RAPGEF2: variants seen among roughly 807,000 people sequenced by gnomAD.
The protein encoded by RAPGEF2 is PDZ domain containing guanine nucleotide exchange factor (GEF) 1.
RAPGEF2 carries 54 observed loss-of-function variants against 186.7 expected under a neutral mutation model. That is an observed-to-expected ratio of 0.29 (90% CI 0.23 to 0.36). The LOEUF (loss-of-function observed/expected upper bound fraction) is 0.36. RAPGEF2 is among the 10% of genes least tolerant of loss of function. RAPGEF2 has a pLI of 1.00. For synonymous variants in RAPGEF2, 712 were observed against 705.9 expected (o/e 1.01, Z -0.14); for missense variants, 1,532 against 2,045.0 (o/e 0.75, Z 4.84).
chr4:159,119,006 T>A (rs538619674), intron 1 of RAPGEF2, among the ~76,000 whole-genome samples: 151 of 152,350 alleles, frequency 9.9e-4, no homozygotes, highest in Non-Finnish European at 1.8e-3. Flanking sequence ...GATTAACTTT[T>A]CATCGTTGGT....
Position 159,193,268 on chromosome 4 carries a change from C to CT in RAPGEF2, c.197+17dup. The stretch of plus-strand genomic sequence containing the variant: ...GAAGTTTTATACTAGTAGGTGTTTC[C>CT]TTTTTGTTTGTACAATGTATCTAAT... On this transcript the variant is annotated intron_variant, in intron 3 of 29. Transcript: ENST00000691494. 1 of 1,464,710 alleles carries CT rather than the reference C, an allele frequency of 6.8e-7. No homozygotes were observed. The highest frequency in any genetic ancestry group is 1.4e-5 in the African/African-American group (1 of 70,470). The allele number at this position is 1,464,710 out of a possible 1,614,324, so 90.7% of individuals were successfully genotyped here. A position where few individuals can be genotyped will look rare whatever the true frequency, so the allele number is the denominator to read the frequency against.
chr4:159,351,051 G>C, intron 26 of RAPGEF2: 1 of 1,529,720 alleles, frequency 6.5e-7, no homozygotes, highest in Non-Finnish European at 8.8e-7. Context: ...TTCTCATCCT[G>C]TTGTTAGGTG....
Position 159,267,132 on chromosome 4 carries a change from T to C in RAPGEF2, c.543+23341T>C, listed in dbSNP as rs534948410. The stretch of plus-strand genomic sequence containing the variant: ...ATCCACTTACATCACTAGAACTGCA[T>C]TGAGTGTGAGCCTTGCAGGTTAAGA... On this transcript the variant is annotated intron_variant, in intron 7 of 29. Coordinates refer to ENST00000691494, the MANE Select transcript of RAPGEF2 (RefSeq NM_001394067.2). The C allele has an allele frequency of 1.7e-5, 21 of 1,258,362 alleles. No individual in the cohort carries two copies. The South Asian group carries it at 2.7e-4, about 16-fold the overall frequency. The allele number at this position is 1,258,362 out of a possible 1,614,324, so 77.9% of individuals were successfully genotyped here.
intron 5 of RAPGEF2, among the ~76,000 whole-genome samples, chr4:159,239,968 T>C (rs961101114): frequency 6.6e-6 from 1 of 152,224 alleles, no homozygotes; most frequent in Non-Finnish European, 1.5e-5. Flanking sequence ...TAGCGAACTT[T>C]TTGTAAAATT....
At chr4:159,198,391 C>CCTTCCTCTCTCTTCCTCT (rs1749037218) in intron 3 of RAPGEF2, among the ~76,000 whole-genome samples, 2 of 136,522 alleles carry the variant, frequency 1.5e-5, no homozygotes, top group African/African-American at 3.0e-5. Flanking sequence ...TTCCTTCCTT[C>CCTTCCTCTCTCTTCCTCT]CTTCCTCTCT....
chr4:159,355,683 A>G (rs1003062033), intron 28 of RAPGEF2, among the ~76,000 whole-genome samples, 170 bp from the exon 29 acceptor site: 8 of 152,222 alleles, frequency 5.3e-5, no homozygotes, highest in African/African-American at 1.9e-4. Flanking sequence ...AATTTGGTTT[A>G]GTTAACATGC....
intron 1 of RAPGEF2, among the ~76,000 whole-genome samples, chr4:159,139,967 G>T (rs1457007806): frequency 6.6e-6 from 1 of 152,186 alleles, no homozygotes; most frequent in Non-Finnish European, 1.5e-5. Context: ...GGAGGCTCAT[G>T]CTTAGAATTT....
At chr4:159,184,431 A>C (rs990355703) in intron 1 of RAPGEF2, among the ~76,000 whole-genome samples, 4 of 152,118 alleles carry the variant, frequency 2.6e-5, no homozygotes, top group Non-Finnish European at 5.9e-5. Flanking sequence ...AATGATCACC[A>C]TTCTAACTGG....
chr4:159,333,565 T>G (rs989717768), intron 17 of RAPGEF2, among the ~76,000 whole-genome samples: 1 of 152,178 alleles, frequency 6.6e-6, no homozygotes. Flanking sequence ...GAATGTCAGG[T>G]GTATTCTTGA....
Position 159,339,119 on chromosome 4 carries a change from C to G in RAPGEF2, c.2299C>G (p.Pro767Ala). The G allele has an allele frequency of 6.2e-7, 1 of 1,612,632 alleles. No individual in the cohort carries two copies. The highest frequency in any genetic ancestry group is 2.2e-5 in the East Asian group (1 of 44,856). Reference sequence around the variant, plus strand: ...GTGATTTTTCTTTCCCCCAGACTTGCCAGATCAAGTGCTAAGGGTTTTTAA... The same window carrying G: ...GTGATTTTTCTTTCCCCCAGACTTGGCAGATCAAGTGCTAAGGGTTTTTAA... Reference protein sequence around the residue: ...ILDFSATPDLPDQVLRVFKAD... With the variant: ...ILDFSATPDLADQVLRVFKAD... Residue 767 changes from proline to alanine, a missense_variant, in exon 19 of 30, where the codon CCA becomes GCA. Pro to Ala is a conservative substitution (Grantham distance 27). Transcript: ENST00000691494.
chr4:159,227,692 T>G (rs1752188198), intron 4 of RAPGEF2, among the ~76,000 whole-genome samples: 1 of 152,210 alleles, frequency 6.6e-6, no homozygotes, highest in Non-Finnish European at 1.5e-5. Flanking sequence ...TTTGCTGGTT[T>G]AGATTGTGGC....
At chr4:159,342,616 A>ATTTTATTTTATT (rs1554041277) in intron 20 of RAPGEF2, among the ~76,000 whole-genome samples, 8 of 118,334 alleles carry the variant, frequency 6.8e-5, no homozygotes, top group East Asian at 2.4e-4. Context: ...ATTTTATTTT[A>ATTTTATTTTATT]TTACTAGAGG....
At chr4:159,218,112 A>G (rs1751153616) in intron 4 of RAPGEF2, among the ~76,000 whole-genome samples, 1 of 152,250 alleles carries the variant, frequency 6.6e-6, no homozygotes. Flanking sequence ...GAATTCTGTT[A>G]CAGAAGGGTA....
At chr4:159,163,852 G>A (rs985723483) in intron 1 of RAPGEF2, among the ~76,000 whole-genome samples, 1 of 152,150 alleles carries the variant, frequency 6.6e-6, no homozygotes, top group African/African-American at 2.4e-5. Flanking sequence ...CACATCAGGG[G>A]TCTGTCTAGA....
intron 11 of RAPGEF2, among the ~76,000 whole-genome samples, chr4:159,325,540 G>T (rs1221913881): frequency 6.6e-6 from 1 of 151,986 alleles, no homozygotes; most frequent in Non-Finnish European, 1.5e-5. Flanking sequence ...CTTCTACATA[G>T]TGGAATTACA....
intron 20 of RAPGEF2, 71 bp downstream of exon 20, chr4:159,342,018 A>T: frequency 1.4e-6 from 2 of 1,390,482 alleles, no homozygotes; most frequent in Non-Finnish European, 1.9e-6. Flanking sequence ...GTCCAGGAAC[A>T]TCATATAATT....
intron 5 of RAPGEF2, chr4:159,240,943 T>G: frequency 2.7e-6 from 1 of 374,080 alleles, no homozygotes; most frequent in Non-Finnish European, 4.8e-6. Context: ...TATCCTTCCC[T>G]TTGAAACTAC....
intron 2 of RAPGEF2, among the ~76,000 whole-genome samples, chr4:159,187,135 C>A (rs532368224): frequency 1.3e-5 from 2 of 152,178 alleles, no homozygotes; most frequent in Admixed American, 1.3e-4. Flanking sequence ...AGGTCCTATA[C>A]TAAGGAGCTT....
At chr4:159,270,781 C>G (rs926043400) in intron 7 of RAPGEF2, among the ~76,000 whole-genome samples, 1 of 152,098 alleles carries the variant, frequency 6.6e-6, no homozygotes, top group Non-Finnish European at 1.5e-5. Flanking sequence ...TATTTTATTA[C>G]ACCTCCCCCT....
Sources: allele counts gnomAD v4.1 joint callset (sites outside exome capture counted in the v4.1 genomes callset), GRCh38; gene constraint gnomAD v4.1.1; transcripts MANE v1.5; gene names NCBI Gene and HGNC (gene_info 2026-07-23, HGNC 2026-07-21).